GRAMD2B: variants seen among roughly 807,000 people sequenced by gnomAD.
GRAMD2B encodes the protein GRAM domain-containing protein 2B.
GRAMD2B carries 41 observed loss-of-function variants against 59.2 expected under a neutral mutation model. The observed-to-expected ratio is 0.69, with a 90% CI of 0.54 to 0.90. GRAMD2B has a LOEUF of 0.90. GRAMD2B is among the 40% of genes least tolerant of loss of function. The probability of loss-of-function intolerance (pLI) is 0.00; values close to 1 mark genes in which losing one functional copy is unlikely to be tolerated. For synonymous variants in GRAMD2B, 161 were observed against 182.7 expected (o/e 0.88, Z 0.96); for missense variants, 424 against 500.5 (o/e 0.85, Z 1.46).
At chr5:126,386,792 T>C (rs1331253643) in intron 1 of GRAMD2B, among the ~76,000 whole-genome samples, 4 of 152,146 alleles carry the variant, frequency 2.6e-5, no homozygotes, top group African/African-American at 4.8e-5. Flanking sequence ...ATTGGACTAT[T>C]CTGAGGATTA....
intron 1 of GRAMD2B, among the ~76,000 whole-genome samples, chr5:126,382,580 T>C (rs1315750181): frequency 6.6e-6 from 1 of 152,158 alleles, no homozygotes; most frequent in Non-Finnish European, 1.5e-5. Flanking sequence ...CTCTGGAGAT[T>C]TTTCTGACCA....
chr5:126,464,023 C>T (rs1227672973), intron 1 of GRAMD2B, among the ~76,000 whole-genome samples: 1 of 148,246 alleles, frequency 6.7e-6, no homozygotes, highest in Non-Finnish European at 1.5e-5. Flanking sequence ...AGTGAAACTC[C>T]ATCTCAAAAA....
upstream of GRAMD2B, among the ~76,000 whole-genome samples, chr5:126,368,561 G>A (rs1251294311): frequency 1.3e-5 from 2 of 152,168 alleles, no homozygotes; most frequent in African/African-American, 4.8e-5. Flanking sequence ...ACAGGTTTAG[G>A]ATGCCTCCTC....
chr5:126,486,548 G>A (rs964531938), intron 11 of GRAMD2B, among the ~76,000 whole-genome samples: 2 of 152,178 alleles, frequency 1.3e-5, no homozygotes, highest in South Asian at 4.1e-4. Context: ...GATCTGCCCA[G>A]GCTCTTCTGG....
In GRAMD2B at chr5:126,442,128, T is replaced by C. The variant is rs937765619; in HGVS notation, c.83+18439T>C. Among the ~76,000 whole-genome samples the C allele has an allele frequency of 2.0e-5, 3 of 151,152 alleles. No homozygotes were observed. In the Admixed American group the frequency reaches 2.0e-4, roughly 10 times the overall value. On this transcript the variant is annotated intron_variant, in intron 1 of 13. Transcript: ENST00000285689. ...GAAGGCTAACTATCCCACTGAATAC[T>C]AGATAAAACAAAAGCAAAAACAGAT...
At chr5:126,448,818 G>A (rs918217797) in intron 1 of GRAMD2B, among the ~76,000 whole-genome samples, 2 of 152,206 alleles carry the variant, frequency 1.3e-5, no homozygotes, top group Admixed American at 1.3e-4. Context: ...GAGTTGTGTG[G>A]GCCCTCAGCG....
upstream of GRAMD2B, among the ~76,000 whole-genome samples, chr5:126,419,489 A>G (rs1759536317): frequency 6.6e-6 from 1 of 152,148 alleles, no homozygotes; most frequent in Non-Finnish European, 1.5e-5. Context: ...TCGGGATCCC[A>G]ATTCAACATG....
chr5:126,462,336 T>A (rs1034434142), intron 1 of GRAMD2B: 1 of 818,020 alleles, frequency 1.2e-6, no homozygotes, highest in Admixed American at 6.2e-5. Context: ...CAAAAGGCCT[T>A]GAGGAAGCAT....
intron 1 of GRAMD2B, among the ~76,000 whole-genome samples, chr5:126,434,492 C>T (rs71586094): frequency 0.2 from 29,778 of 151,824 alleles, 3,063 homozygotes; most frequent in Non-Finnish European, 0.23. Flanking sequence ...GACTTTCCCA[C>T]ATGACAATTA....
intron 1 of GRAMD2B, chr5:126,360,493 T>G: frequency 6.5e-7 from 1 of 1,545,028 alleles, no homozygotes; most frequent in Non-Finnish European, 8.7e-7. Flanking sequence ...GAAAAACCAT[T>G]TGGGAGTGGA....
chr5:126,368,325 G>T (rs929696538), upstream of GRAMD2B, among the ~76,000 whole-genome samples: 1 of 152,224 alleles, frequency 6.6e-6, no homozygotes, highest in Non-Finnish European at 1.5e-5. Flanking sequence ...AAGGGCTCAG[G>T]CAGTGGCTGT....
In GRAMD2B at chr5:126,415,319, T is replaced by C. The variant is rs73783687; in HGVS notation, c.125+43752T>C. ...TGGTTGTGATATAAGAACATGATGG[T>C]TTCTGAGTAAGGTTCTGTGTGTGCA... On this transcript the variant is annotated intron_variant, in intron 1 of 8. Transcript: ENST00000506445. Among the ~76,000 whole-genome samples, 297 of 152,294 alleles carry C rather than the reference T, an allele frequency of 2.0e-3. 2 individuals are homozygous for C. The highest frequency in any genetic ancestry group is 6.9e-3 in the African/African-American group (285 of 41,552).
At chr5:126,394,333 G>A (rs1757160165) in intron 1 of GRAMD2B, among the ~76,000 whole-genome samples, 1 of 151,966 alleles carries the variant, frequency 6.6e-6, no homozygotes, top group Non-Finnish European at 1.5e-5. Context: ...AAACCTCAGA[G>A]GTCAGGTGGA....
intron 1 of GRAMD2B, among the ~76,000 whole-genome samples, chr5:126,460,935 G>C (rs192306631): frequency 2.0e-5 from 3 of 152,232 alleles, no homozygotes; most frequent in Non-Finnish European, 4.4e-5. Context: ...AATGATCAGA[G>C]ACTTTTTAAA....
chr5:126,494,363 AAG>A (rs1554095270), exon 14 of GRAMD2B: 6 of 151,788 alleles, frequency 4.0e-5, no homozygotes, highest in Middle Eastern at 3.4e-3. Flanking sequence ...TCAAAAAAAA[AAG>A]AAAAAAAAAA....
At chr5:126,371,654 T>G in intron 1 of GRAMD2B, 1 of 1,124,740 alleles carries the variant, frequency 8.9e-7, no homozygotes, top group Non-Finnish European at 1.1e-6. Context: ...AGCTCCTTTT[T>G]CATTCCTGGA....
intron 6 of GRAMD2B, among the ~76,000 whole-genome samples, chr5:126,479,203 T>C (rs993828372): frequency 5.9e-5 from 9 of 152,186 alleles, no homozygotes; most frequent in African/African-American, 1.7e-4. Flanking sequence ...TTTCCTTTTT[T>C]ATTTTTTCTT....
chr5:126,457,621 A>G (rs1227734547), intron 1 of GRAMD2B, among the ~76,000 whole-genome samples: 1 of 151,044 alleles, frequency 6.6e-6, no homozygotes, highest in African/African-American at 2.4e-5. Flanking sequence ...ATACAGCAAG[A>G]CTCTGTCTCG....
In GRAMD2B at chr5:126,494,186, T is replaced by C. The variant is rs1195648486; in HGVS notation, c.*1230T>C. 1 of 152,588 alleles carries C rather than the reference T, an allele frequency of 6.6e-6. No individual in the cohort carries two copies. The highest frequency in any genetic ancestry group is 1.5e-5 in the Non-Finnish European group (1 of 68,036). 9.5% of individuals were successfully genotyped at this position (152,588 alleles called of 1,614,324 possible). A position where few individuals can be genotyped will look rare whatever the true frequency, so the allele number is the denominator to read the frequency against. Reference sequence around the variant, plus strand: ...ACACTGTGTTTTGTCAGTTCGTAAATTCCTTTAACCAAGACTTAACTATGC... The same window carrying C: ...ACACTGTGTTTTGTCAGTTCGTAAACTCCTTTAACCAAGACTTAACTATGC... On this transcript the variant is annotated 3_prime_UTR_variant, in exon 14 of 14. Coordinates refer to ENST00000285689, the MANE Select transcript of GRAMD2B (RefSeq NM_023927.4).
Sources: gnomAD v4.1 joint callset for allele counts (sites outside exome capture counted in the v4.1 genomes callset) on GRCh38, gnomAD v4.1.1 for gene constraint, MANE v1.5 for transcripts, NCBI Gene and HGNC (gene_info 2026-07-23, HGNC 2026-07-21) for gene names.